Variants in CROCC observed in about 807,000 individuals in gnomAD.
The protein encoded by CROCC is rootletin.
CROCC carries 180 observed loss-of-function variants against 245.2 expected under a neutral mutation model. The observed-to-expected ratio is 0.73, with a 90% CI of 0.65 to 0.83. CROCC has a LOEUF of 0.83. CROCC is among the 40% of genes least tolerant of loss of function. CROCC has a pLI of 0.00. For synonymous variants in CROCC, 1,205 were observed against 1,241.6 expected (o/e 0.97, Z 0.62); for missense variants, 2,688 against 2,779.4 (o/e 0.97, Z 0.74).
chr1:16,931,036 C>T (rs1387570927), intron 7 of CROCC, among the ~76,000 whole-genome samples: 1 of 152,276 alleles, frequency 6.6e-6, no homozygotes, highest in African/African-American at 2.4e-5. Flanking sequence ...AAGCTAGGTC[C>T]CTTGCATTTT....
chr1:16,961,120 A>C lies in CROCC; in HGVS notation c.4395A>C (p.Ala1465=), dbSNP rs1399466209. ...RPVPGSPARD[A]PAEGSGEGLN... ...TGCCCGGTTCCCCTGCCCGGGACGC[A>C]CCCGCAGAAGGTAAGGGCAGTGCCG... The change falls in exon 27 of 37, where the codon GCA becomes GCC. Residue 1465 remains alanine, a synonymous_variant. Coordinates refer to ENST00000375541, the MANE Select transcript of CROCC (RefSeq NM_014675.5). 2 of 1,347,826 alleles carry C rather than the reference A, an allele frequency of 1.5e-6. No homozygotes were observed. Among genetic ancestry groups the C allele is most frequent in the Non-Finnish European group, 1.9e-6 (2 of 1,055,752 alleles). The allele number at this position is 1,347,826 out of a possible 1,614,324, so 83.5% of individuals were successfully genotyped here. A position where few individuals can be genotyped will look rare whatever the true frequency, so the allele number is the denominator to read the frequency against.
At chr1:16,915,326 C>A (rs1195570847) in intron 1 of CROCC, among the ~76,000 whole-genome samples, 2 of 152,300 alleles carry the variant, frequency 1.3e-5, no homozygotes, top group Non-Finnish European at 2.9e-5. Flanking sequence ...TTCATTAATT[C>A]ATTCAGCAGC....
rs557914572 is a variant in CROCC, at chr1:16,962,592, T to C, written c.4405+1462T>C. 2.0e-5 allele frequency among the ~76,000 whole-genome samples: 3 copies of C among 149,272 alleles called. No individual in the cohort carries two copies. The East Asian group carries it at 6.1e-4, about 30-fold the overall frequency. On this transcript the variant is annotated intron_variant, in intron 27 of 36. Coordinates refer to ENST00000375541, the MANE Select transcript of CROCC (RefSeq NM_014675.5). ...TTTCAGCATGTTGGTCAGGCTAGTC[T>C]TGAACTCCTGACCTTACGTGATCTG...
chr1:16,968,284 G>A lies in CROCC; in HGVS notation c.4942G>A (p.Glu1648Lys), dbSNP rs948725213. ...RRLKEVLDAS[E>K]SRTVKLELQR... ...CCTGAAGGAGGTTCTGGACGCCTCC[G>A]AGAGCCGCACTGTCAAGCTGGAGCT... The change falls in exon 31 of 37, where the codon GAG becomes AAG. Residue 1648 changes from glutamate (E) to lysine (K), a missense_variant. Around this residue, in one of 9 missense-constraint regions of CROCC, gnomAD observed 1,218 missense variants for 1,286.3 expected, o/e 0.95. Transcript: ENST00000375541. 7.7e-6 allele frequency: 12 copies of A among 1,556,206 alleles called. No individual in the cohort carries two copies. The highest frequency in any genetic ancestry group is 4.1e-5 in the African/African-American group (3 of 73,396).
upstream of CROCC, among the ~76,000 whole-genome samples, chr1:16,919,070 T>C (rs2075350247): frequency 6.6e-6 from 1 of 152,304 alleles, no homozygotes; most frequent in African/African-American, 2.4e-5. Context: ...TCTGGCTTGC[T>C]TGCCATTGCA....
chr1:16,959,048 A>T (rs2076290646), intron 26 of CROCC, among the ~76,000 whole-genome samples: 1 of 152,204 alleles, frequency 6.6e-6, no homozygotes, highest in Middle Eastern at 3.4e-3. Context: ...TTTGAAATGG[A>T]GTCTCACTCT....
At chr1:16,961,510 G>T (rs190310240) in intron 27 of CROCC, among the ~76,000 whole-genome samples, 2 of 152,208 alleles carry the variant, frequency 1.3e-5, no homozygotes, top group East Asian at 3.9e-4. Context: ...GGCCTCAAGC[G>T]ATCCTCCTGT....
In CROCC at chr1:16,970,697, G is replaced by T. The variant is rs139547234; in HGVS notation, c.5714G>T (p.Arg1905Leu). The part of the protein sequence containing the change: ...DTVRLSAEKG[R>L]LDRTLTGAEL... ...GTGCGGCTGAGCGCAGAGAAGGGCC[G>T]CCTGGACCGCACCCTCACGGGGGCT... Residue 1905 changes from arginine (R) to leucine (L), a missense_variant, in exon 35 of 37, where the codon CGC (arginine) becomes CTC (leucine). Physicochemically the swap from Arg to Leu is moderately radical, Grantham distance 102. This residue lies in a region of CROCC where 1,218 missense variants were observed against 1,286.3 expected (regional missense o/e 0.95). Coordinates refer to ENST00000375541, the MANE Select transcript of CROCC (RefSeq NM_014675.5). The T allele has an allele frequency of 1.9e-6, 3 of 1,603,472 alleles. No homozygotes were observed. The highest frequency in any genetic ancestry group is 1.1e-5 in the South Asian group (1 of 89,686).
At position 16,930,400 on chromosome 1, in the gene CROCC, C is replaced by G. The variant is rs376960739; in HGVS notation, c.684-29C>G. The G allele has an allele frequency of 2.6e-3, 4,184 of 1,611,132 alleles. 5 individuals carry two copies. The highest frequency in any genetic ancestry group is 3.3e-3 in the Non-Finnish European group (3,946 of 1,179,604). On this transcript the variant is annotated intron_variant, in intron 6 of 36. Coordinates refer to ENST00000375541, the MANE Select transcript of CROCC (RefSeq NM_014675.5). ...CTGGCAGGATGGCCCCCTGCGCGAG[C>G]GCCTACTGATCCCCTGTGCCCCATT...
chr1:16,930,119 C>G lies in CROCC; in HGVS notation c.538-5C>G. On this transcript the variant is annotated splice_polypyrimidine_tract_variant and splice_region_variant and intron_variant, in intron 4 of 36. Coordinates refer to ENST00000375541, the MANE Select transcript of CROCC (RefSeq NM_014675.5). ...TGGGGCTCACCATCAGCTCCCCATC[C>G]CCAGATTCTCCAGTACAAGAAGAGG... 2 of 1,589,204 alleles carry G rather than the reference C, an allele frequency of 1.3e-6. No individual in the cohort carries two copies. Among genetic ancestry groups the G allele is most frequent in the Non-Finnish European group, 1.7e-6 (2 of 1,168,648 alleles).
rs778027240 is a variant in CROCC at position 16,950,955 on chromosome 1, G to T, written c.2839G>T (p.Glu947Ter). 2.6e-6 allele frequency: 4 copies of T among 1,550,868 alleles called. No individual in the cohort carries two copies. The highest frequency in any genetic ancestry group is 1.2e-5 in the South Asian group (1 of 82,844). Reference sequence around the variant, plus strand: ...TTTCCCCCATTCCTCTCGTGCAGGGGAGTTGGCGGGCCTGCGGCAGCAAAT... The same window carrying T: ...TTTCCCCCATTCCTCTCGTGCAGGGTAGTTGGCGGGCCTGCGGCAGCAAAT... The part of the protein sequence containing the change: ...LLLAKETLTG[E>*]LAGLRQQIIA... Residue 947 changes from glutamate to a stop codon, truncating the protein, a stop_gained and splice_region_variant, in exon 20 of 37, where the codon GAG becomes TAG. Transcript: ENST00000375541. LOFTEE classifies it high-confidence loss of function.
Position 16,930,064 on chromosome 1 carries a change from C to T in CROCC, c.537+33C>T, listed in dbSNP as rs202022351. 5.1e-6 allele frequency: 8 copies of T among 1,568,076 alleles called. No individual in the cohort carries two copies. In the East Asian group the frequency reaches 9.2e-5, roughly 18 times the overall value. ...CCACCCACTCCTGCTCCTGTCCTCC[C>T]ACCTGTTCACTTTGCCCCGCCCCAA... On this transcript the variant is annotated intron_variant, in intron 4 of 36. Coordinates refer to ENST00000375541, the MANE Select transcript of CROCC (RefSeq NM_014675.5).
At chr1:16,920,136 T>A (rs2075373130), upstream of CROCC, among the ~76,000 whole-genome samples, 2 of 152,260 alleles carry the variant, frequency 1.3e-5, no homozygotes, top group Non-Finnish European at 2.9e-5. Context: ...TGGAGTGCAG[T>A]GGCATGATCT....
intron 32 of CROCC, 118 bp downstream of exon 32, chr1:16,969,458 G>A (rs1025041393): frequency 9.5e-7 from 1 of 1,055,264 alleles, no homozygotes; most frequent in Non-Finnish European, 1.4e-6. Context: ...TGGAGCCAAT[G>A]AGAGCAGGCT....
intron 27 of CROCC, among the ~76,000 whole-genome samples, 174 bp from the exon 28 acceptor site, chr1:16,965,549 G>A (rs141460425): frequency 6.6e-6 from 1 of 152,294 alleles, no homozygotes; most frequent in Non-Finnish European, 1.5e-5. Context: ...AGGGTGGCCA[G>A]TTTGTAAAGG....
At chr1:16,962,426 T>C (rs2076347705) in intron 27 of CROCC, among the ~76,000 whole-genome samples, 2 of 148,706 alleles carry the variant, frequency 1.3e-5, no homozygotes, top group South Asian at 4.3e-4. Context: ...TCCCAGCTAC[T>C]CGGGAGGCTG....
intron 27 of CROCC, among the ~76,000 whole-genome samples, chr1:16,962,931 C>T (rs1432005581): frequency 6.6e-6 from 1 of 151,574 alleles, no homozygotes; most frequent in Admixed American, 6.6e-5. Context: ...TTTGTAATCC[C>T]AGCACTCTGC....
chr1:16,946,938 C>T lies in CROCC; in HGVS notation c.2461C>T (p.Gln821Ter), dbSNP rs762727502. 3 of 1,561,428 alleles carry T rather than the reference C, an allele frequency of 1.9e-6. No homozygotes were observed. The highest frequency in any genetic ancestry group is 2.4e-5 in the East Asian group (1 of 42,022). ...GCAGGCCCAGGAGGCATTGGAGCAG[C>T]AGCTCCCCACGCTGCGCCATGAGCG... Reference protein sequence around the residue: ...AEQAQEALEQQLPTLRHERSQ... With the variant: ...AEQAQEALEQ Residue 821 changes from glutamine to a stop codon, truncating the protein, a stop_gained, in exon 17 of 37, where the codon CAG becomes TAG. Transcript: ENST00000375541. LOFTEE classifies it high-confidence loss of function.
At chr1:16,956,688 C>G (rs1354988968) in intron 25 of CROCC, among the ~76,000 whole-genome samples, 1 of 151,064 alleles carries the variant, frequency 6.6e-6, no homozygotes, top group Non-Finnish European at 1.5e-5. Flanking sequence ...AAATGTTGTT[C>G]TTCCTTTAGA....
Sources: gnomAD v4.1 joint callset for allele counts (sites outside exome capture counted in the v4.1 genomes callset) on GRCh38, gnomAD v4.1.1 for gene constraint, gnomAD v4.1.1 regional missense constraint, MANE v1.5 for transcripts, NCBI Gene and HGNC (gene_info 2026-07-23, HGNC 2026-07-21) for gene names.